NRG3: variants seen among roughly 807,000 people sequenced by gnomAD.
NRG3 encodes pro-neuregulin-3, membrane-bound isoform.
In NRG3, 31 loss-of-function variants were observed where a neutral mutation model predicts 66.9. That is an observed-to-expected ratio of 0.46 (90% CI 0.35 to 0.63). NRG3 has a LOEUF of 0.63. Ranked by LOEUF, NRG3 falls within the 20% of genes least tolerant of loss-of-function variation. The pLI, the probability that NRG3 is intolerant of heterozygous loss-of-function variation, is 0.00. For synonymous variants in NRG3, 393 were observed against 359.4 expected (o/e 1.09, Z -1.06); for missense variants, 910 against 878.9 (o/e 1.04, Z -0.45).
intron 3 of NRG3, 32 bp downstream of exon 3, chr10:82,738,682 A>G (rs765988139): frequency 6.5e-7 from 1 of 1,549,154 alleles, no homozygotes; most frequent in Admixed American, 1.7e-5. Context: ...TCTCTAATGC[A>G]ATATATAGGC....
At chr10:82,563,148 T>G (rs1298269821) in intron 2 of NRG3, among the ~76,000 whole-genome samples, 1 of 152,164 alleles carries the variant, frequency 6.6e-6, no homozygotes, top group Non-Finnish European at 1.5e-5. Flanking sequence ...AATACCATAG[T>G]CATTTTTTAA....
intron 2 of NRG3, among the ~76,000 whole-genome samples, chr10:82,587,201 CAACT>C (rs1339210224): frequency 3.3e-5 from 5 of 152,110 alleles, no homozygotes; most frequent in Non-Finnish European, 5.9e-5. Flanking sequence ...TCTGAGAACT[CAACT>C]GTCTTCCATT....
chr10:82,037,658 C>T (rs1422833912), intron 1 of NRG3, among the ~76,000 whole-genome samples: 2 of 152,068 alleles, frequency 1.3e-5, no homozygotes, highest in Non-Finnish European at 2.9e-5. Flanking sequence ...GAAGACATCA[C>T]GATGAGGCCT....
intron 1 of NRG3, among the ~76,000 whole-genome samples, chr10:82,103,477 A>G (rs1476985148): frequency 6.6e-6 from 1 of 152,164 alleles, no homozygotes; most frequent in Non-Finnish European, 1.5e-5. Context: ...ATCCAATGTC[A>G]GTTATGTTTT....
chr10:82,697,871 T>TTTGG (rs2055521807), intron 2 of NRG3, among the ~76,000 whole-genome samples: 1 of 152,090 alleles, frequency 6.6e-6, no homozygotes, highest in African/African-American at 2.4e-5. Context: ...GACCCGTCAG[T>TTTGG]ATCTGCCTTT....
At chr10:82,745,299 A>T (rs573592276) in intron 3 of NRG3, among the ~76,000 whole-genome samples, 4 of 152,172 alleles carry the variant, frequency 2.6e-5, no homozygotes, top group Non-Finnish European at 4.4e-5. Context: ...GAGGGTTGCA[A>T]CTTGGTCCTG....
chr10:82,501,179 G>A (rs1844146585), intron 2 of NRG3, among the ~76,000 whole-genome samples: 1 of 152,088 alleles, frequency 6.6e-6, no homozygotes, highest in Non-Finnish European at 1.5e-5. Flanking sequence ...TTGGTGATGT[G>A]AGAAGGAACA....
At chr10:81,887,544 A>C (rs1481983400) in intron 1 of NRG3, among the ~76,000 whole-genome samples, 2 of 152,186 alleles carry the variant, frequency 1.3e-5, no homozygotes, top group African/African-American at 4.8e-5. Context: ...TGGGATAACC[A>C]GTTCAAAGGT....
At chr10:82,653,180 G>C (rs940323669) in intron 2 of NRG3, among the ~76,000 whole-genome samples, 3 of 152,196 alleles carry the variant, frequency 2.0e-5, no homozygotes, top group African/African-American at 7.2e-5. Flanking sequence ...AAAGACACTG[G>C]TAACTGTCAA....
At chr10:82,135,441 C>T (rs1372383396) in intron 1 of NRG3, among the ~76,000 whole-genome samples, 1 of 152,074 alleles carries the variant, frequency 6.6e-6, no homozygotes, top group African/African-American at 2.4e-5. Context: ...CCCCATTTCT[C>T]TCTCTACTTC....
chr10:82,015,479 A>G (rs937185486), intron 1 of NRG3, among the ~76,000 whole-genome samples: 1 of 152,012 alleles, frequency 6.6e-6, no homozygotes, highest in Non-Finnish European at 1.5e-5. Context: ...AATCCCTATA[A>G]TCCCAACGTG....
chr10:82,363,369 A>G (rs375603699), intron 2 of NRG3, among the ~76,000 whole-genome samples: 23 of 152,202 alleles, frequency 1.5e-4, no homozygotes, highest in African/African-American at 5.1e-4. Context: ...CACAAATACT[A>G]CTTGAGGGAG....
intron 1 of NRG3, among the ~76,000 whole-genome samples, chr10:82,176,716 A>C (rs989131875): frequency 4.6e-5 from 7 of 152,014 alleles, no homozygotes; most frequent in African/African-American, 1.7e-4. Context: ...GCATCCCCTG[A>C]TCCCCCTGGT....
chr10:82,201,208 A>AG (rs2133484810), intron 1 of NRG3, among the ~76,000 whole-genome samples: 1 of 151,414 alleles, frequency 6.6e-6, no homozygotes, highest in East Asian at 1.9e-4. Context: ...AAAAAAAAAA[A>AG]AAAAAAAAAG....
chr10:81,976,107 T>A (rs748945128), intron 1 of NRG3, among the ~76,000 whole-genome samples: 11 of 152,208 alleles, frequency 7.2e-5, no homozygotes, highest in Non-Finnish European at 1.5e-4. Context: ...TTGTTTTAAT[T>A]TACCACTAAG....
chr10:82,027,126 G>T (rs1007768021), intron 1 of NRG3, among the ~76,000 whole-genome samples: 1 of 151,952 alleles, frequency 6.6e-6, no homozygotes, highest in Non-Finnish European at 1.5e-5. Flanking sequence ...CATCCTTTGG[G>T]TTTATTCAGT....
chr10:82,832,927 C>G (rs1023303645), intron 3 of NRG3, among the ~76,000 whole-genome samples: 1 of 151,998 alleles, frequency 6.6e-6, no homozygotes, highest in Non-Finnish European at 1.5e-5. Flanking sequence ...ACAATCTTCT[C>G]ACAAAGCGAG....
At chr10:82,485,589 A>G (rs1842619291) in intron 2 of NRG3, among the ~76,000 whole-genome samples, 1 of 151,676 alleles carries the variant, frequency 6.6e-6, no homozygotes, top group Non-Finnish European at 1.5e-5. Flanking sequence ...ATATTTTGCA[A>G]CTGGCAAAGA....
intron 2 of NRG3, among the ~76,000 whole-genome samples, chr10:82,659,508 TGG>T (rs2052148761): frequency 6.6e-6 from 1 of 151,826 alleles, no homozygotes; most frequent in Non-Finnish European, 1.5e-5. Flanking sequence ...CTGGGCATAG[TGG>T]GGTGGTTGCC....
Sources: gnomAD v4.1 joint callset for allele counts (sites outside exome capture counted in the v4.1 genomes callset) on GRCh38, gnomAD v4.1.1 for gene constraint, MANE v1.5 for transcripts, NCBI Gene and HGNC (gene_info 2026-07-23, HGNC 2026-07-21) for gene names.